LRRC37A3: variants seen among roughly 807,000 people sequenced by gnomAD.
LRRC37A3 encodes leucine rich repeat containing 37 member A3, also known as leucine-rich repeat-containing protein 37A3.
A neutral mutation model predicts 106.2 loss-of-function variants in LRRC37A3; 25 were observed. The observed-to-expected ratio is 0.24, with a 90% CI of 0.17 to 0.33. The LOEUF (loss-of-function observed/expected upper bound fraction) is 0.33. LRRC37A3 is among the 10% of genes least tolerant of loss of function. The pLI is 1.00. For synonymous variants in LRRC37A3, 305 were observed against 635.8 expected, an observed-to-expected ratio of 0.48 and a Z score of 7.83; for missense variants, 712 against 1,644.9, an observed-to-expected ratio of 0.43 and a Z score of 9.81.
At chr17:64,894,051 T>C (rs1228404179) in intron 4 of LRRC37A3, among the ~76,000 whole-genome samples, 1 of 140,838 alleles carries the variant, frequency 7.1e-6, no homozygotes, top group East Asian at 2.0e-4. Context: ...GGGACAAAAA[T>C]GAGTTCTGGA....
At position 64,860,568 on chromosome 17, in the gene LRRC37A3, G is replaced by A; in HGVS notation, c.3578C>T (p.Ala1193Val). The change falls in exon 12 of 15, where the codon GCC (alanine) becomes GTC (valine). Residue 1193 changes from alanine (A) to valine (V), a missense_variant. Physicochemically the swap from Ala to Val is moderately conservative, Grantham distance 64. Transcript: ENST00000584306. ...GGCAGTGTTCTCCACAGATGCCTGG[G>A]CACCCTGTTCCCTCCTGATGCTCTG... ...GRQSIRREQG[A>V]QASVENTAEE... The A allele has an allele frequency of 6.2e-7, 1 of 1,613,322 alleles. No individual in the cohort carries two copies. Among genetic ancestry groups the A allele is most frequent in the Non-Finnish European group, 8.5e-7 (1 of 1,179,872 alleles).
chr17:64,899,419 CAA>C (rs71215666), intron 2 of LRRC37A3, among the ~76,000 whole-genome samples: 16,052 of 100,424 alleles, frequency 0.16, 34 homozygotes, highest in Admixed American at 0.19. Context: ...GACTCCATCT[CAA>C]AAAAAAAAAA....
At chr17:64,883,520 C>T (rs965109123) in intron 8 of LRRC37A3, among the ~76,000 whole-genome samples, 6 of 151,982 alleles carry the variant, frequency 3.9e-5, no homozygotes, top group South Asian at 2.1e-4. Context: ...AGGGCCTGTG[C>T]AAGTGAGAAG....
At chr17:64,881,033 T>C in intron 8 of LRRC37A3, 1 of 677,918 alleles carries the variant, frequency 1.5e-6, no homozygotes. Context: ...GTCAAAGAAA[T>C]AAGCAGATGA....
chr17:64,867,100 T>C (rs1006910541), intron 10 of LRRC37A3, among the ~76,000 whole-genome samples: 1 of 151,936 alleles, frequency 6.6e-6, no homozygotes. Context: ...AAAGATTTCT[T>C]AGGTAAGAAA....
At position 64,859,864 on chromosome 17, in the gene LRRC37A3, C is replaced by G; in HGVS notation, c.4282G>C (p.Ala1428Pro). 6.2e-7 allele frequency: 1 copy of G among 1,612,792 alleles called. No individual in the cohort carries two copies. Among genetic ancestry groups the G allele is most frequent in the South Asian group, 1.1e-5 (1 of 91,008 alleles). ...NYNHPPEADS[A>P]GTAFNLGPTV... is the part of the protein sequence containing the mutation. ...GGCCCTAAGTTGAATGCAGTCCCAG[C>G]GGAATCTGCCTCAGGAGGATGATTG... The change falls in exon 12 of 15, where the codon GCT (alanine) becomes CCT (proline). Residue 1428 changes from alanine to proline, a missense_variant. By Grantham distance (27) the Ala-to-Pro change is conservative. Coordinates refer to ENST00000584306, the MANE Select transcript of LRRC37A3 (RefSeq NM_199340.5).
At chr17:64,861,141 A>G (rs954858354) in intron 11 of LRRC37A3, among the ~76,000 whole-genome samples, 168 bp from the exon 12 acceptor site, 9 of 152,224 alleles carry the variant, frequency 5.9e-5, no homozygotes, top group African/African-American at 2.2e-4. Context: ...TGGCAACAAC[A>G]AAAGGAGAAA....
At chr17:64,881,797 C>G (rs555625338) in intron 8 of LRRC37A3, among the ~76,000 whole-genome samples, 1 of 150,620 alleles carries the variant, frequency 6.6e-6, no homozygotes. Context: ...GACACAGTGC[C>G]GGTGCTCAGC....
chr17:64,918,599 T>C (rs1379580169), intron 2 of LRRC37A3, among the ~76,000 whole-genome samples, 151 bp downstream of exon 2: 3 of 152,218 alleles, frequency 2.0e-5, no homozygotes, highest in Non-Finnish European at 4.4e-5. Context: ...ATTAATTTTT[T>C]AAATTAATGA....
At chr17:64,863,937 T>C (rs1240783328) in intron 10 of LRRC37A3, among the ~76,000 whole-genome samples, 1 of 151,682 alleles carries the variant, frequency 6.6e-6, no homozygotes, top group African/African-American at 2.4e-5. Flanking sequence ...CCTGAGTAGC[T>C]GGGAGTATAG....
chr17:64,915,491 T>C (rs1441184981), intron 2 of LRRC37A3, among the ~76,000 whole-genome samples: 1 of 152,374 alleles, frequency 6.6e-6, no homozygotes, highest in East Asian at 1.9e-4. Flanking sequence ...TTACATATTG[T>C]CTATGACTGC....
intron 13 of LRRC37A3, 61 bp from the exon 14 acceptor site, chr17:64,855,950 G>T: frequency 6.2e-7 from 1 of 1,609,558 alleles, no homozygotes; most frequent in Non-Finnish European, 8.5e-7. Flanking sequence ...CTCCAAATCT[G>T]TATTGATTCC....
intron 10 of LRRC37A3, among the ~76,000 whole-genome samples, chr17:64,864,840 G>A (rs1379415527): frequency 6.6e-6 from 1 of 151,968 alleles, no homozygotes; most frequent in East Asian, 1.9e-4. Context: ...AGAGGTTGTG[G>A]GGGGCCTTTT....
At chr17:64,875,075 C>T (rs1321402699) in intron 8 of LRRC37A3, among the ~76,000 whole-genome samples, 2 of 151,962 alleles carry the variant, frequency 1.3e-5, no homozygotes, top group Non-Finnish European at 2.9e-5. Flanking sequence ...CTGCGAGAAA[C>T]ACCCAAGAAT....
At chr17:64,872,104 C>A (rs563830802) in intron 8 of LRRC37A3, among the ~76,000 whole-genome samples, 10 of 141,226 alleles carry the variant, frequency 7.1e-5, no homozygotes, top group African/African-American at 2.7e-4. Flanking sequence ...TGCACTCCAG[C>A]CTGGGCAACA....
At chr17:64,884,366 A>ATAT (rs1204528829) in intron 8 of LRRC37A3, among the ~76,000 whole-genome samples, 6 of 150,940 alleles carry the variant, frequency 4.0e-5, no homozygotes, top group South Asian at 2.1e-4. Flanking sequence ...TATTATTATT[A>ATAT]TATTATTATT....
intron 2 of LRRC37A3, among the ~76,000 whole-genome samples, chr17:64,918,447 G>A (rs1488581081): frequency 6.6e-6 from 1 of 151,928 alleles, no homozygotes; most frequent in Non-Finnish European, 1.5e-5. Flanking sequence ...AGAGAAAAAG[G>A]AGACATAAAT....
intron 2 of LRRC37A3, chr17:64,900,301 TG>T (rs1370133639): frequency 7.9e-6 from 1 of 126,446 alleles, no homozygotes; most frequent in Admixed American, 7.8e-5. Flanking sequence ...CCCAAAGTGC[TG>T]GGATTACAGG....
chr17:64,867,371 T>A (rs1973151183), intron 10 of LRRC37A3, among the ~76,000 whole-genome samples: 4 of 151,136 alleles, frequency 2.6e-5, no homozygotes, highest in Admixed American at 2.6e-4. Flanking sequence ...AATTTGTGCA[T>A]TTTTAGTAGA....
Sources: gnomAD v4.1 joint callset for allele counts (sites outside exome capture counted in the v4.1 genomes callset) on GRCh38, gnomAD v4.1.1 for gene constraint, MANE v1.5 for transcripts, NCBI Gene and HGNC (gene_info 2026-07-23, HGNC 2026-07-21) for gene names.